The following LYPD6B variants were observed in gnomAD, a reference collection of about 807,000 sequenced individuals.
The protein encoded by LYPD6B is ly6/PLAUR domain-containing protein 6B.
LYPD6B carries 17 observed loss-of-function variants against 22.8 expected under a neutral mutation model. The ratio of observed to expected loss-of-function variants is 0.75; its 90% CI spans 0.51 to 1.12. LYPD6B has a LOEUF of 1.12. Among genes scored for constraint, LYPD6B ranks in the 50% most tolerant of loss-of-function variants. The probability of loss-of-function intolerance (pLI) is 0.00; values close to 1 mark genes in which losing one functional copy is unlikely to be tolerated. For missense variants in LYPD6B, 221 were observed against 258.3 expected (o/e 0.86, Z 0.99); for synonymous variants, 106 against 91.6 (o/e 1.16, Z -0.90).
chr2:149,062,559 G>A (rs577302728), intron 1 of LYPD6B, among the ~76,000 whole-genome samples: 14 of 152,156 alleles, frequency 9.2e-5, no homozygotes, highest in African/African-American at 2.2e-4. Flanking sequence ...AAAAGCTTAC[G>A]TTATAAAATC....
intron 2 of LYPD6B, chr2:149,154,157 A>G: frequency 9.0e-6 from 2 of 221,664 alleles, no homozygotes; most frequent in Non-Finnish European, 1.4e-5. Context: ...TCCAACCCCT[A>G]GTACCTTTGC....
chr2:149,100,858 A>G (rs1209459004), intron 1 of LYPD6B, among the ~76,000 whole-genome samples: 3 of 152,230 alleles, frequency 2.0e-5, no homozygotes, highest in Non-Finnish European at 2.9e-5. Context: ...TGTAAGAAGC[A>G]AAACAAATTT....
chr2:149,100,897 T>C (rs1017647913), intron 1 of LYPD6B, among the ~76,000 whole-genome samples: 1 of 152,254 alleles, frequency 6.6e-6, no homozygotes, highest in African/African-American at 2.4e-5. Context: ...TCTGTGCTAA[T>C]ATAACCCAGC....
intron 1 of LYPD6B, among the ~76,000 whole-genome samples, chr2:149,070,010 T>C (rs1698246928): frequency 6.6e-6 from 1 of 151,898 alleles, no homozygotes; most frequent in African/African-American, 2.4e-5. Context: ...AGAAAAATAA[T>C]GGCTGGAGAG....
In LYPD6B at chr2:149,093,646, T is replaced by C. The variant is rs188825878; in HGVS notation, c.-66-37237T>C. Among the ~76,000 whole-genome samples the C allele has an allele frequency of 4.4e-4, 67 of 152,348 alleles. No individual in the cohort carries two copies. In the East Asian group the frequency reaches 0.012, roughly 28 times the overall value. On this transcript the variant is annotated intron_variant, in intron 1 of 6. Transcript: ENST00000409642. ...GGTCTCTTTATTACCTATTTCTACA[T>C]ATATGTTCCAGCATCACATTGTCTT...
At chr2:149,123,043 G>C (rs1687472527) in intron 1 of LYPD6B, among the ~76,000 whole-genome samples, 1 of 152,116 alleles carries the variant, frequency 6.6e-6, no homozygotes, top group Non-Finnish European at 1.5e-5. Context: ...TACATTCAAA[G>C]AGCAAATGCC....
intron 1 of LYPD6B, among the ~76,000 whole-genome samples, chr2:149,060,703 T>C (rs1684037205): frequency 6.6e-6 from 1 of 151,966 alleles, no homozygotes; most frequent in Admixed American, 6.6e-5. Context: ...GCAATCCTCT[T>C]AAGGTCTAGG....
intron 3 of LYPD6B, among the ~76,000 whole-genome samples, chr2:149,180,630 G>A (rs1184055278): frequency 6.6e-6 from 1 of 152,248 alleles, no homozygotes; most frequent in Non-Finnish European, 1.5e-5. Flanking sequence ...GTGGGCAGGA[G>A]GCTCAGCCCT....
chr2:149,207,124 C>T (rs2106153810), intron 4 of LYPD6B, among the ~76,000 whole-genome samples: 1 of 152,200 alleles, frequency 6.6e-6, no homozygotes, highest in African/African-American at 2.4e-5. Context: ...TATTTTTTAA[C>T]TGTACTGATT....
intron 3 of LYPD6B, among the ~76,000 whole-genome samples, chr2:149,197,385 G>A (rs969806116): frequency 3.3e-5 from 5 of 152,278 alleles, no homozygotes; most frequent in East Asian, 1.9e-4. Flanking sequence ...GGTGGCACAC[G>A]CCTATAGTCC....
At chr2:149,041,328 C>T (rs1353239963) in intron 1 of LYPD6B, among the ~76,000 whole-genome samples, 1 of 152,196 alleles carries the variant, frequency 6.6e-6, no homozygotes, top group African/African-American at 2.4e-5. Flanking sequence ...CATGCCTTCA[C>T]ATGACAACAT....
At chr2:149,059,870 T>C (rs1016937181) in intron 1 of LYPD6B, among the ~76,000 whole-genome samples, 18 of 152,162 alleles carry the variant, frequency 1.2e-4, no homozygotes, top group Non-Finnish European at 5.9e-5. Context: ...AAATGGTTCC[T>C]TCAGAAGTTT....
chr2:149,159,978 A>G (rs974083150), intron 2 of LYPD6B, among the ~76,000 whole-genome samples: 1 of 152,068 alleles, frequency 6.6e-6, no homozygotes, highest in Non-Finnish European at 1.5e-5. Context: ...AGCCTAGCCA[A>G]GTTGATGTAT....
At chr2:149,074,376 A>G (rs11682037) in intron 1 of LYPD6B, among the ~76,000 whole-genome samples, 53,264 of 152,168 alleles carry the variant, frequency 0.35, 9,745 homozygotes, top group South Asian at 0.44. Context: ...ATCAACTTTA[A>G]TGCCATTAAT....
At chr2:149,072,521 T>C (rs149181985) in intron 1 of LYPD6B, among the ~76,000 whole-genome samples, 278 of 143,516 alleles carry the variant, frequency 1.9e-3, no homozygotes, top group South Asian at 8.9e-3. Flanking sequence ...TATTTTATTT[T>C]ATTTTATTTT....
intron 5 of LYPD6B, 64 bp from the exon 6 acceptor site, chr2:149,212,926 CTT>C: frequency 6.6e-7 from 1 of 1,521,208 alleles, no homozygotes; most frequent in Non-Finnish European, 8.9e-7. Context: ...TAAGAGATCT[CTT>C]TTGTAATATG....
At chr2:149,212,547 G>A (rs1484279750) in intron 5 of LYPD6B, among the ~76,000 whole-genome samples, 2 of 152,070 alleles carry the variant, frequency 1.3e-5, no homozygotes, top group Non-Finnish European at 2.9e-5. Flanking sequence ...AGAGAAAAAT[G>A]ATGAGTAATG....
chr2:149,119,785 T>G (rs1407185798), intron 1 of LYPD6B, among the ~76,000 whole-genome samples: 3 of 152,174 alleles, frequency 2.0e-5, no homozygotes, highest in Non-Finnish European at 4.4e-5. Context: ...ATCCTACCGC[T>G]TCCTAGTGAA....
chr2:149,165,769 T>C (rs1357713599), intron 3 of LYPD6B, among the ~76,000 whole-genome samples: 1 of 152,180 alleles, frequency 6.6e-6, no homozygotes, highest in Non-Finnish European at 1.5e-5. Flanking sequence ...AGAGTCTGCA[T>C]GTTAACCCTA....
Sources: gnomAD v4.1 joint callset for allele counts (sites outside exome capture counted in the v4.1 genomes callset) on GRCh38, gnomAD v4.1.1 for gene constraint, MANE v1.5 for transcripts, NCBI Gene and HGNC (gene_info 2026-07-23, HGNC 2026-07-21) for gene names.